Variants in PLB1 observed in about 807,000 individuals in gnomAD.
PLB1 encodes phospholipase B1, membrane-associated.
A neutral mutation model predicts 227.4 loss-of-function variants in PLB1; 242 were observed. That is an observed-to-expected ratio of 1.06 (90% CI 0.96 to 1.18). The LOEUF (loss-of-function observed/expected upper bound fraction) is 1.18. Ranked by LOEUF, PLB1 falls within the 50% of genes most tolerant of loss-of-function variation. The pLI, the probability that PLB1 is intolerant of heterozygous loss-of-function variation, is 0.00. For missense variants in PLB1, 1,858 were observed against 1,816.3 expected, an observed-to-expected ratio of 1.02 and a Z score of -0.42; for synonymous variants, 757 against 682.2, an observed-to-expected ratio of 1.11 and a Z score of -1.71.
chr2:28,520,659 G>C (rs1669408842), intron 4 of PLB1, among the ~76,000 whole-genome samples: 1 of 151,284 alleles, frequency 6.6e-6, no homozygotes, highest in Admixed American at 6.6e-5. Flanking sequence ...TCTCTGTTTT[G>C]GCAGTTCTAG....
chr2:28,637,762 C>T (rs1689539348), intron 56 of PLB1, among the ~76,000 whole-genome samples: 2 of 152,202 alleles, frequency 1.3e-5, no homozygotes, highest in Non-Finnish European at 2.9e-5. Flanking sequence ...CTGGATTGCC[C>T]TTCTCACCTC....
intron 14 of PLB1, among the ~76,000 whole-genome samples, chr2:28,546,375 T>G (rs970731277): frequency 2.0e-4 from 31 of 152,088 alleles, no homozygotes; most frequent in Non-Finnish European, 4.1e-4. Context: ...AATAAGGAAC[T>G]TGGGGATTGC....
At chr2:28,609,765 G>A (rs1685180582) in intron 43 of PLB1, among the ~76,000 whole-genome samples, 1 of 152,102 alleles carries the variant, frequency 6.6e-6, no homozygotes, top group Non-Finnish European at 1.5e-5. Flanking sequence ...CTTCATTAGG[G>A]TTTTCAAGCT....
At chr2:28,593,306 GCT>G (rs1173708131) in intron 32 of PLB1, among the ~76,000 whole-genome samples, 4 of 152,338 alleles carry the variant, frequency 2.6e-5, no homozygotes, top group Non-Finnish European at 5.9e-5. Flanking sequence ...AAGCCAATGA[GCT>G]CTCTCTTCAT....
At chr2:28,548,606 C>A (rs1365712012) in intron 14 of PLB1, 1 of 547,656 alleles carries the variant, frequency 1.8e-6, no homozygotes, top group Non-Finnish European at 3.5e-6. Context: ...TATATAAAAC[C>A]GATGCTGCTT....
At position 28,585,773 on chromosome 2, in the gene PLB1, C is replaced by T. The variant is rs778939181; in HGVS notation, c.1746C>T (p.Pro582=). Residue 582 remains proline (P), a synonymous_variant, in exon 26 of 58, where the codon CCC becomes CCT. Transcript: ENST00000327757. Reference sequence around the variant, plus strand: ...GTTTGGTCTACAGGTCTCTGTGTCCCTGTGTCCTGAAGTTTGATGATAACT... The same window carrying T: ...GTTTGGTCTACAGGTCTCTGTGTCCTTGTGTCCTGAAGTTTGATGATAACT... ...CPRMILRSLC[P]CVLKFDDNST... is the part of the protein sequence containing the mutation. The T allele has an allele frequency of 5.6e-6, 9 of 1,608,674 alleles. No homozygotes were observed. The highest frequency in any genetic ancestry group is 1.7e-5 in the Admixed American group (1 of 59,986).
At chr2:28,557,510 A>G (rs1175306736) in intron 17 of PLB1, among the ~76,000 whole-genome samples, 1 of 152,204 alleles carries the variant, frequency 6.6e-6, no homozygotes, top group Non-Finnish European at 1.5e-5. Flanking sequence ...GTTACACAAG[A>G]CAAAGCCCTA....
Position 28,529,313 on chromosome 2 carries a change from T to G in PLB1, c.326-4T>G. The G allele has an allele frequency of 6.2e-7, 1 of 1,602,054 alleles. No homozygotes were observed. Among genetic ancestry groups the G allele is most frequent in the Non-Finnish European group, 8.6e-7 (1 of 1,169,160 alleles). On this transcript the variant is annotated splice_polypyrimidine_tract_variant and splice_region_variant and intron_variant, in intron 6 of 57. Transcript: ENST00000327757. ...CCAGGGCCTCAAACCAGTTCTCTCT[T>G]TAGTCCTTTCAGACATCATCAGATA...
intron 54 of PLB1, 147 bp from the exon 55 acceptor site, chr2:28,631,889 G>A (rs1688679127): frequency 1.6e-6 from 1 of 638,668 alleles, no homozygotes; most frequent in Non-Finnish European, 2.8e-6. Context: ...ATAAAAGTAT[G>A]TTTGCATCCC....
intron 56 of PLB1, among the ~76,000 whole-genome samples, chr2:28,640,016 C>T (rs1689794318): frequency 6.6e-6 from 1 of 152,180 alleles, no homozygotes; most frequent in African/African-American, 2.4e-5. Flanking sequence ...AACAGAACTG[C>T]CCTCCCTCCT....
At chr2:28,517,870 CTTTTT>C (rs751699033) in intron 2 of PLB1, among the ~76,000 whole-genome samples, 1 of 133,850 alleles carries the variant, frequency 7.5e-6, no homozygotes, top group Non-Finnish European at 1.6e-5. Flanking sequence ...AGAACTTTCT[CTTTTT>C]TTTTTTTTTT....
intron 20 of PLB1, among the ~76,000 whole-genome samples, chr2:28,570,177 A>G (rs1271335598): frequency 1.3e-5 from 2 of 152,174 alleles, no homozygotes; most frequent in Non-Finnish European, 1.5e-5. Context: ...AACTCATTCT[A>G]TGAGTTTTAC....
At chr2:28,607,800 T>G (rs926255875) in intron 43 of PLB1, among the ~76,000 whole-genome samples, 3 of 152,076 alleles carry the variant, frequency 2.0e-5, no homozygotes, top group African/African-American at 7.2e-5. Context: ...ATTGTAGATA[T>G]GTCAATATTT....
chr2:28,549,313 T>C (rs1673810839), intron 15 of PLB1, among the ~76,000 whole-genome samples: 1 of 151,966 alleles, frequency 6.6e-6, no homozygotes, highest in Non-Finnish European at 1.5e-5. Context: ...TCATTTTGAC[T>C]ACATCTTAAA....
chr2:28,593,165 G>A (rs1558860450), intron 32 of PLB1, among the ~76,000 whole-genome samples: 1 of 152,060 alleles, frequency 6.6e-6, no homozygotes, highest in Non-Finnish European at 1.5e-5. Flanking sequence ...CAAGAAATGG[G>A]GCTATTTTAC....
chr2:28,512,688 C>CT (rs34213887), intron 1 of PLB1, among the ~76,000 whole-genome samples: 33,840 of 143,054 alleles, frequency 0.24, 4,189 homozygotes, highest in African/African-American at 0.33. Flanking sequence ...TTTCTTTCTT[C>CT]TTTTTTTTTT....
intron 33 of PLB1, chr2:28,594,102 C>T (rs781353529): frequency 2.6e-5 from 15 of 584,876 alleles, no homozygotes; most frequent in Middle Eastern, 5.7e-4. Flanking sequence ...GGTGTTCCTA[C>T]GTCTCTGTTT....
intron 57 of PLB1, among the ~76,000 whole-genome samples, chr2:28,641,376 G>A (rs1423955262): frequency 6.6e-6 from 1 of 152,214 alleles, no homozygotes; most frequent in Non-Finnish European, 1.5e-5. Context: ...GGGAGGCCGA[G>A]GCGGTCAGAT....
chr2:28,620,380 A>G, intron 47 of PLB1, 48 bp downstream of exon 47: 2 of 1,509,382 alleles, frequency 1.3e-6, no homozygotes, highest in Non-Finnish European at 1.8e-6. Flanking sequence ...TCTCTCAGAG[A>G]GGTGTGAGTA....
Sources: gnomAD v4.1 joint callset for allele counts (sites outside exome capture counted in the v4.1 genomes callset) on GRCh38, gnomAD v4.1.1 for gene constraint, MANE v1.5 for transcripts, NCBI Gene and HGNC (gene_info 2026-07-23, HGNC 2026-07-21) for gene names.